The following KLRD1 variants were observed in gnomAD, a reference collection of about 807,000 sequenced individuals.
KLRD1 encodes the protein killer cell lectin like receptor D1.
A neutral mutation model predicts 22.6 loss-of-function variants in KLRD1; 21 were observed. The observed-to-expected ratio is 0.93, with a 90% CI of 0.66 to 1.34. KLRD1 has a LOEUF of 1.34. KLRD1 is among the 40% of genes most tolerant of loss of function. The pLI is 0.00. For synonymous variants in KLRD1, 59 were observed against 71.1 expected (o/e 0.83, Z 0.85); for missense variants, 183 against 208.6 (o/e 0.88, Z 0.76).
chr12:10,304,533 T>C (rs1949895392), upstream of KLRD1: 1 of 152,172 alleles, frequency 6.6e-6, no homozygotes, highest in Non-Finnish European at 1.5e-5. Context: ...GCCTCCCAAG[T>C]AGCAGGGGTT....
intron 1 of KLRD1, among the ~76,000 whole-genome samples, chr12:10,276,989 T>A (rs1012187200): frequency 6.6e-6 from 1 of 152,140 alleles, no homozygotes; most frequent in African/African-American, 2.4e-5. Flanking sequence ...GACTCACCAT[T>A]AAGTCTAGTT....
chr12:10,252,941 C>G (rs1182237569), intron 1 of KLRD1, among the ~76,000 whole-genome samples: 1 of 120,912 alleles, frequency 8.3e-6, no homozygotes, highest in African/African-American at 3.0e-5. Context: ...CTGAGTGAGT[C>G]AGTGGGCAGT....
rs1950383369 is a variant in KLRD1, at chr12:10,328,766, C to T, written c.*13973C>T. 6.6e-6 allele frequency: 1 copy of T among 152,110 alleles called. No individual in the cohort carries two copies. Among genetic ancestry groups the T allele is most frequent in the African/African-American group, 2.4e-5 (1 of 41,410 alleles). The allele number at this position is 152,110 out of a possible 1,614,324, so 9.4% of individuals were successfully genotyped here. A position where few individuals can be genotyped will look rare whatever the true frequency, so the allele number is the denominator to read the frequency against. ...TTTCACACTGTTGATAAAGACTTAACTGAGAGACTGGGTAATTTGTAAAGA... is the reference window on the plus strand; with the variant it reads ...TTTCACACTGTTGATAAAGACTTAATTGAGAGACTGGGTAATTTGTAAAGA... On this transcript the variant is annotated 3_prime_UTR_variant, in exon 6 of 6. Coordinates refer to ENST00000336164, the MANE Select transcript of KLRD1 (RefSeq NM_002262.5).
chr12:10,287,472 A>T (rs1949718534), intron 1 of KLRD1, among the ~76,000 whole-genome samples: 1 of 152,192 alleles, frequency 6.6e-6, no homozygotes, highest in East Asian at 1.9e-4. Flanking sequence ...CTAACTTCAA[A>T]CAAATCCAAA....
intron 1 of KLRD1, among the ~76,000 whole-genome samples, chr12:10,289,928 A>T (rs1402059920): frequency 6.6e-6 from 1 of 151,962 alleles, no homozygotes; most frequent in Non-Finnish European, 1.5e-5. Flanking sequence ...ACAGGCATGC[A>T]CCACCACACC....
upstream of KLRD1, among the ~76,000 whole-genome samples, chr12:10,302,648 G>A (rs1949876307): frequency 6.6e-6 from 1 of 152,058 alleles, no homozygotes; most frequent in South Asian, 2.1e-4. Context: ...ATTGGTTGAG[G>A]GGCAGTGAAA....
Position 10,325,837 on chromosome 12 carries a change from G to A in KLRD1, c.*11044G>A, listed in dbSNP as rs2137755566. 6.6e-6 allele frequency: 1 copy of A among 152,296 alleles called. No homozygotes were observed. Among genetic ancestry groups the A allele is most frequent in the East Asian group, 1.9e-4 (1 of 5,188 alleles). 9.4% of individuals were successfully genotyped at this position (152,296 alleles called of 1,614,324 possible). On this transcript the variant is annotated 3_prime_UTR_variant, in exon 6 of 6. Transcript: ENST00000336164. ...CTTTTGCATAATTACCCAGAAAGGG[G>A]ATTGGTGGATCATATGGTAGTTCTA...
At chr12:10,313,669 T>G (rs1950152396) in intron 5 of KLRD1, among the ~76,000 whole-genome samples, 156 bp downstream of exon 5, 1 of 152,200 alleles carries the variant, frequency 6.6e-6, no homozygotes, top group Non-Finnish European at 1.5e-5. Context: ...ATAACAATTT[T>G]AGATCTAGGC....
At chr12:10,312,908 A>G (rs1272908226) in intron 4 of KLRD1, among the ~76,000 whole-genome samples, 5 of 151,384 alleles carry the variant, frequency 3.3e-5, no homozygotes, top group Non-Finnish European at 7.4e-5. Flanking sequence ...AATGGCGTGA[A>G]CCTGGGAGGC....
intron 1 of KLRD1, among the ~76,000 whole-genome samples, chr12:10,276,307 C>T (rs1323651626): frequency 6.6e-6 from 1 of 151,846 alleles, no homozygotes; most frequent in Non-Finnish European, 1.5e-5. Context: ...TGTTCTTGTG[C>T]TTTGTTTGTT....
intron 1 of KLRD1, among the ~76,000 whole-genome samples, chr12:10,244,835 A>T (rs543937721): frequency 2.1e-4 from 32 of 152,116 alleles, no homozygotes; most frequent in African/African-American, 7.7e-4. Flanking sequence ...AAAAAACTTC[A>T]TTGAAGAAAT....
chr12:10,302,628 G>C (rs182463325), upstream of KLRD1, among the ~76,000 whole-genome samples: 1 of 152,206 alleles, frequency 6.6e-6, no homozygotes, highest in African/African-American at 2.4e-5. Flanking sequence ...TTAGGGAATG[G>C]GTGTTGCTGA....
At chr12:10,244,534 C>A (rs552877074) in intron 1 of KLRD1, among the ~76,000 whole-genome samples, 4 of 152,286 alleles carry the variant, frequency 2.6e-5, no homozygotes, top group Admixed American at 2.6e-4. Flanking sequence ...GTAATCCCAG[C>A]ACTTTGAGAG....
chr12:10,288,365 T>C (rs2137663777), intron 1 of KLRD1, among the ~76,000 whole-genome samples: 1 of 152,330 alleles, frequency 6.6e-6, no homozygotes, highest in Non-Finnish European at 1.5e-5. Flanking sequence ...ACATTCAATA[T>C]ATCTGTGGCA....
intron 5 of KLRD1, 131 bp from the exon 6 acceptor site, chr12:10,314,542 T>C: frequency 2.9e-6 from 2 of 697,040 alleles, no homozygotes; most frequent in South Asian, 5.6e-5. Flanking sequence ...TTGTGGTTAC[T>C]GAAAAAAAAA....
upstream of KLRD1, among the ~76,000 whole-genome samples, chr12:10,307,515 A>G (rs1949952023): frequency 6.6e-6 from 1 of 152,184 alleles, no homozygotes; most frequent in Admixed American, 6.5e-5. Context: ...TATCTTTACT[A>G]TCAAGCCATT....
intron 1 of KLRD1, among the ~76,000 whole-genome samples, chr12:10,259,494 T>C (rs1244729115): frequency 6.6e-6 from 1 of 152,230 alleles, no homozygotes; most frequent in African/African-American, 2.4e-5. Flanking sequence ...AAAATGCAAC[T>C]CTTTAATGTA....
chr12:10,239,122 T>G (rs953122953), intron 1 of KLRD1, among the ~76,000 whole-genome samples: 1 of 152,212 alleles, frequency 6.6e-6, no homozygotes, highest in Non-Finnish European at 1.5e-5. Flanking sequence ...TTAGCTTAAT[T>G]TAACAAAAAA....
At chr12:10,309,529 T>G in intron 2 of KLRD1, 49 bp downstream of exon 2, 2 of 1,290,638 alleles carry the variant, frequency 1.5e-6, no homozygotes, top group East Asian at 4.6e-5. Context: ...TGTGAAGACA[T>G]CATTTAATAA....
Sources: gnomAD v4.1 joint callset for allele counts (sites outside exome capture counted in the v4.1 genomes callset) on GRCh38, gnomAD v4.1.1 for gene constraint, MANE v1.5 for transcripts, NCBI Gene and HGNC (gene_info 2026-07-23, HGNC 2026-07-21) for gene names.